The following ADAM10 variants were observed in gnomAD, a reference collection of about 807,000 sequenced individuals.
The protein encoded by ADAM10 is disintegrin and metalloproteinase domain-containing protein 10.
A neutral mutation model predicts 90.1 loss-of-function variants in ADAM10; 17 were observed. The ratio of observed to expected loss-of-function variants is 0.19; its 90% CI spans 0.13 to 0.28. The LOEUF (loss-of-function observed/expected upper bound fraction) is 0.28, where lower values mean the gene tolerates loss of function less well. ADAM10 is among the 10% of genes least tolerant of loss of function. The pLI is 1.00. For synonymous variants in ADAM10, 310 were observed against 298.6 expected (o/e 1.04, Z -0.40); for missense variants, 610 against 914.3 (o/e 0.67, Z 4.29).
intron 1 of ADAM10, among the ~76,000 whole-genome samples, chr15:58,740,029 A>T (rs1281475457): frequency 1.3e-5 from 2 of 152,244 alleles, no homozygotes; most frequent in African/African-American, 4.8e-5. Flanking sequence ...TAAAACATGA[A>T]GACTAAGAAT....
In ADAM10 at chr15:58,589,635, T is replaced by C. The variant is rs879450162; in HGVS notation, c.*7912A>G. ...GTTGATAAGTGAATGGGAGCTGAAG[T>C]AGCCACTGAGTGTAAATGATTCTCT... On this transcript the variant is annotated 3_prime_UTR_variant, in exon 16 of 16. Coordinates refer to ENST00000260408, the MANE Select transcript of ADAM10 (RefSeq NM_001110.4). 6.6e-6 allele frequency: 1 copy of C among 152,260 alleles called. No homozygotes were observed. The highest frequency in any genetic ancestry group is 2.4e-5 in the African/African-American group (1 of 41,474). 9.4% of individuals were successfully genotyped at this position (152,260 alleles called of 1,614,324 possible).
In ADAM10 at chr15:58,627,577, C is replaced by T. The variant is rs952996585; in HGVS notation, c.1360+123G>A. ...AAGAAATAACGAGATAAAGGGAATA[C>T]AGCAAAGTGTTAGCAATAGTAAAAT... On this transcript the variant is annotated intron_variant, in intron 10 of 15. Transcript: ENST00000260408. 5 of 799,386 alleles carry T rather than the reference C, an allele frequency of 6.3e-6. No homozygotes were observed. In the African/African-American group the frequency reaches 8.7e-5, roughly 14 times the overall value. 49.5% of individuals were successfully genotyped at this position (799,386 alleles called of 1,614,324 possible). A position where few individuals can be genotyped will look rare whatever the true frequency, so the allele number is the denominator to read the frequency against.
At chr15:58,724,263 G>C (rs1314522019) in intron 1 of ADAM10, among the ~76,000 whole-genome samples, 1 of 152,000 alleles carries the variant, frequency 6.6e-6, no homozygotes, top group Admixed American at 6.6e-5. Context: ...AATTTTGGGA[G>C]GTTCATTTTA....
At chr15:58,744,511 GAATA>G (rs755749533) in intron 1 of ADAM10, among the ~76,000 whole-genome samples, 2 of 151,938 alleles carry the variant, frequency 1.3e-5, no homozygotes, top group Non-Finnish European at 2.9e-5. Flanking sequence ...CAATCATCTA[GAATA>G]AATTTAGAAA....
At chr15:58,735,891 C>G (rs1265852270) in intron 1 of ADAM10, among the ~76,000 whole-genome samples, 1 of 152,134 alleles carries the variant, frequency 6.6e-6, no homozygotes, top group Non-Finnish European at 1.5e-5. Flanking sequence ...TTTATACATA[C>G]TTACAAAAGG....
intron 2 of ADAM10, among the ~76,000 whole-genome samples, chr15:58,682,871 A>G (rs1897477049): frequency 6.6e-6 from 1 of 152,182 alleles, no homozygotes. Flanking sequence ...GGGAATGCCG[A>G]AAGACCAGGA....
intron 5 of ADAM10, among the ~76,000 whole-genome samples, chr15:58,655,760 TTTTTG>T (rs1430774537): frequency 8.6e-6 from 1 of 115,938 alleles, no homozygotes; most frequent in African/African-American, 3.2e-5. Flanking sequence ...TTTTTTTTTT[TTTTTG>T]AAACAGAGTC....
intron 2 of ADAM10, among the ~76,000 whole-genome samples, chr15:58,713,069 T>G (rs538542417): frequency 3.3e-5 from 5 of 152,240 alleles, no homozygotes; most frequent in African/African-American, 1.2e-4. Context: ...AAAATCTGTT[T>G]CCTAGTATCT....
chr15:58,706,254 G>T (rs1263517288), intron 2 of ADAM10, among the ~76,000 whole-genome samples: 1 of 152,148 alleles, frequency 6.6e-6, no homozygotes, highest in East Asian at 1.9e-4. Flanking sequence ...CTTGCTTCGA[G>T]GTACTATCAG....
intron 2 of ADAM10, chr15:58,693,251 A>C (rs1210151162): frequency 1.7e-6 from 1 of 574,698 alleles, no homozygotes; most frequent in Non-Finnish European, 3.2e-6. Flanking sequence ...TGAGTGTCCA[A>C]AATGCACACG....
rs75803972 is a variant in ADAM10 at position 58,630,771 on chromosome 15, A to C, written c.1176+2425T>G. Among the ~76,000 whole-genome samples, 139 of 152,346 alleles carry C rather than the reference A, an allele frequency of 9.1e-4. 1 individual carries two copies. The East Asian group carries it at 0.024, about 26-fold the overall frequency. On this transcript the variant is annotated intron_variant, in intron 9 of 15. Transcript: ENST00000260408. The stretch of plus-strand genomic sequence containing the variant: ...AAAGAGATTTCAGATAAAGATGTTA[A>C]GGGAGACAGGTTCAGGTGTTTATGA...
At position 58,701,014 on chromosome 15, in the gene ADAM10, C is replaced by CAAAAA. The variant is rs1257060994; in HGVS notation, c.206+16558_206+16562dup. 1.1e-4 allele frequency among the ~76,000 whole-genome samples: 5 copies of CAAAAA among 44,924 alleles called. 1 individual carries two copies. The highest frequency in any genetic ancestry group is 4.1e-4 in the East Asian group (1 of 2,436). 29.5% of individuals were successfully genotyped at this position (44,924 alleles called of 152,430 possible). On this transcript the variant is annotated intron_variant, in intron 2 of 15. Coordinates refer to ENST00000260408, the MANE Select transcript of ADAM10 (RefSeq NM_001110.4). ...AACAAAATTCCAACTTAAAAAAAAA[C>CAAAAA]AAAAAAACAAAAAAAAAAAAACAGG...
intron 1 of ADAM10, among the ~76,000 whole-genome samples, chr15:58,719,814 T>C (rs1898781605): frequency 1.3e-5 from 2 of 152,220 alleles, no homozygotes; most frequent in Admixed American, 1.3e-4. Flanking sequence ...TTCAGTCTCC[T>C]GTCCATAAAA....
rs940446882 is a variant in ADAM10 at position 58,590,811 on chromosome 15, C to G, written c.*6736G>C. ...TAATGTGTTCAGTATAACCACATAG[C>G]CTTCATTTTTCCAAAATGATTTTTC... On this transcript the variant is annotated 3_prime_UTR_variant, in exon 16 of 16. Transcript: ENST00000260408. The G allele has an allele frequency of 1.3e-5, 2 of 152,056 alleles. No individual in the cohort carries two copies. Among genetic ancestry groups the G allele is most frequent in the African/African-American group, 4.8e-5 (2 of 41,356 alleles). The allele number at this position is 152,056 out of a possible 1,614,324, so 9.4% of individuals were successfully genotyped here.
At chr15:58,682,744 C>T (rs1596063440) in intron 2 of ADAM10, among the ~76,000 whole-genome samples, 1 of 152,068 alleles carries the variant, frequency 6.6e-6, no homozygotes. Context: ...CAGAAGAAAG[C>T]AGCATCTATA....
intron 12 of ADAM10, chr15:58,611,577 T>C (rs1301648448): frequency 2.0e-6 from 1 of 501,444 alleles, no homozygotes; most frequent in Non-Finnish European, 3.5e-6. Flanking sequence ...ACATGCCGAG[T>C]TGTACAACTA....
At chr15:58,734,550 A>G (rs1382055475) in intron 1 of ADAM10, among the ~76,000 whole-genome samples, 6 of 152,080 alleles carry the variant, frequency 3.9e-5, no homozygotes, top group Admixed American at 3.9e-4. Flanking sequence ...AAATACAAAA[A>G]TCAGCCGGGC....
intron 5 of ADAM10, among the ~76,000 whole-genome samples, chr15:58,650,422 T>C (rs1896655634): frequency 6.6e-6 from 1 of 152,188 alleles, no homozygotes; most frequent in South Asian, 2.1e-4. Context: ...TGTGAAACTT[T>C]AATCCCTGTG....
In ADAM10 at chr15:58,682,236, A is replaced by G. The variant is rs773447911; in HGVS notation, c.285T>C (p.Leu95=). ...EFKVETSNKV[L]DYDTSHIYTG... ...TGTAAATATGAGAGGTATCATAATCAAGTACTTTATTTGATGTTTCTACTT... is the reference window on the plus strand; with the variant it reads ...TGTAAATATGAGAGGTATCATAATCGAGTACTTTATTTGATGTTTCTACTT... Residue 95 remains leucine (L), a synonymous_variant, in exon 3 of 16, where the codon CTT becomes CTC. Coordinates refer to ENST00000260408, the MANE Select transcript of ADAM10 (RefSeq NM_001110.4). The G allele has an allele frequency of 2.5e-6, 4 of 1,613,110 alleles. No homozygotes were observed. The East Asian group carries it at 8.9e-5, about 36-fold the overall frequency.
Sources: allele counts gnomAD v4.1 joint callset (sites outside exome capture counted in the v4.1 genomes callset), GRCh38; gene constraint gnomAD v4.1.1; transcripts MANE v1.5; gene names NCBI Gene and HGNC (gene_info 2026-07-23, HGNC 2026-07-21).